RPS6KA2: variants seen among roughly 807,000 people sequenced by gnomAD.
The protein encoded by RPS6KA2 is ribosomal protein S6 kinase A2.
In RPS6KA2, 42 loss-of-function variants were observed where a neutral mutation model predicts 91.8. The ratio of observed to expected loss-of-function variants is 0.46; its 90% CI spans 0.36 to 0.59. RPS6KA2 has a LOEUF of 0.59. Among genes scored for constraint, RPS6KA2 ranks in the 20% least tolerant of loss-of-function variants. RPS6KA2 has a pLI of 0.00. For synonymous variants in RPS6KA2, 414 were observed against 393.6 expected, an observed-to-expected ratio of 1.05 and a Z score of -0.61; for missense variants, 798 against 978.5, an observed-to-expected ratio of 0.82 and a Z score of 2.46.
intron 1 of RPS6KA2, among the ~76,000 whole-genome samples, chr6:166,546,700 C>T (rs2128498544): frequency 6.6e-6 from 1 of 152,282 alleles, no homozygotes; most frequent in East Asian, 1.9e-4. Context: ...AGAAATTCTA[C>T]AACTATCATC....
intron 1 of RPS6KA2, among the ~76,000 whole-genome samples, chr6:166,546,776 T>C (rs1375800060): frequency 1.3e-5 from 2 of 152,198 alleles, no homozygotes; most frequent in African/African-American, 4.8e-5. Context: ...AAGCAACATA[T>C]TGGTGAATGT....
At chr6:166,699,901 G>C (rs1562390175) in intron 2 of RPS6KA2, among the ~76,000 whole-genome samples, 2 of 152,130 alleles carry the variant, frequency 1.3e-5, no homozygotes, top group Admixed American at 1.3e-4. Flanking sequence ...AAATAGCTTA[G>C]TGAGGCTCAT....
chr6:166,708,268 T>A (rs1205295229), intron 2 of RPS6KA2, among the ~76,000 whole-genome samples: 1 of 151,990 alleles, frequency 6.6e-6, no homozygotes, highest in African/African-American at 2.4e-5. Context: ...GGATGAAATC[T>A]TTTTTTTGCA....
At chr6:166,442,217 A>T (rs1490489130) in intron 14 of RPS6KA2, among the ~76,000 whole-genome samples, 1 of 152,228 alleles carries the variant, frequency 6.6e-6, no homozygotes, top group African/African-American at 2.4e-5. Flanking sequence ...CTTACTGCCC[A>T]GCCCCATCTG....
At chr6:166,847,223 G>A (rs779331171) in intron 2 of RPS6KA2, among the ~76,000 whole-genome samples, 1 of 151,628 alleles carries the variant, frequency 6.6e-6, no homozygotes, top group Non-Finnish European at 1.5e-5. Context: ...ACCTCTACAA[G>A]GAGAACTGTA....
chr6:166,816,567 A>G (rs1028771466), intron 2 of RPS6KA2, among the ~76,000 whole-genome samples: 2 of 152,136 alleles, frequency 1.3e-5, no homozygotes, highest in Non-Finnish European at 2.9e-5. Flanking sequence ...AAAAAAAAAA[A>G]AAAGAATTAT....
At chr6:166,558,098 A>G (rs1263893004) in intron 1 of RPS6KA2, among the ~76,000 whole-genome samples, 1 of 152,054 alleles carries the variant, frequency 6.6e-6, no homozygotes, top group East Asian at 1.9e-4. Context: ...GTACATATAT[A>G]TGTATGTATA....
chr6:166,552,008 C>T (rs1273991001), intron 1 of RPS6KA2, among the ~76,000 whole-genome samples: 2 of 152,190 alleles, frequency 1.3e-5, no homozygotes, highest in African/African-American at 2.4e-5. Context: ...ATTCTATCAG[C>T]GTTTCCATTG....
intron 2 of RPS6KA2, among the ~76,000 whole-genome samples, chr6:166,780,747 T>G (rs1273326931): frequency 1.3e-5 from 2 of 152,226 alleles, no homozygotes; most frequent in Non-Finnish European, 2.9e-5. Context: ...AGTTTTCATC[T>G]GCACCTGTAG....
intron 2 of RPS6KA2, among the ~76,000 whole-genome samples, chr6:166,841,056 A>G (rs11753166): frequency 0.55 from 83,002 of 151,616 alleles, 24,327 homozygotes; most frequent in Middle Eastern, 0.73. Context: ...CCAAAGTGGT[A>G]GGATCACTTG....
At chr6:166,440,740 A>G (rs1015526935) in intron 14 of RPS6KA2, among the ~76,000 whole-genome samples, 2 of 152,268 alleles carry the variant, frequency 1.3e-5, no homozygotes, top group African/African-American at 2.4e-5. Flanking sequence ...ACAGAATGCT[A>G]TCGATAGAAT....
At chr6:166,507,938 TCA>T (rs1332237207) in intron 5 of RPS6KA2, among the ~76,000 whole-genome samples, 1 of 91,358 alleles carries the variant, frequency 1.1e-5, no homozygotes, top group African/African-American at 4.5e-5. Context: ...GCACATGCAC[TCA>T]CACAGCCCCC....
intron 3 of RPS6KA2, among the ~76,000 whole-genome samples, chr6:166,521,963 C>T (rs539960308): frequency 1.1e-4 from 16 of 152,178 alleles, no homozygotes; most frequent in Admixed American, 4.6e-4. Context: ...GAAATGAGAC[C>T]CCAGAGAGCT....
intron 2 of RPS6KA2, among the ~76,000 whole-genome samples, chr6:166,661,412 C>G (rs1582996552): frequency 6.6e-6 from 1 of 152,292 alleles, no homozygotes; most frequent in East Asian, 1.9e-4. Flanking sequence ...AAATCTTTTA[C>G]TATTTTAATT....
intron 10 of RPS6KA2, chr6:166,475,915 C>A: frequency 2.1e-6 from 1 of 465,634 alleles, no homozygotes; most frequent in Non-Finnish European, 4.5e-6. Flanking sequence ...ATTATGCCAT[C>A]TCTTCCAGCT....
intron 1 of RPS6KA2, among the ~76,000 whole-genome samples, chr6:166,623,999 T>G (rs1053681138): frequency 1.3e-5 from 2 of 151,994 alleles, no homozygotes; most frequent in African/African-American, 4.8e-5. Context: ...TATTTTAAAA[T>G]CAAGTATGTT....
rs190513852 is a variant in RPS6KA2, at chr6:166,422,650, C to T, written c.1743+606G>A. ...TTCAGAACCTAATGGAACTTGTTCC[C>T]GGGAAATGTGAAAAGAGAGAAGTTC... On this transcript the variant is annotated intron_variant, in intron 17 of 20. Coordinates refer to ENST00000265678, the MANE Select transcript of RPS6KA2 (RefSeq NM_021135.6). 1.7e-3 allele frequency among the ~76,000 whole-genome samples: 264 copies of T among 152,222 alleles called. 10 individuals are homozygous for T. Among genetic ancestry groups the T allele is most frequent in the Admixed American group, 0.017 (261 of 15,284 alleles).
chr6:166,822,861 T>C (rs1418403531), intron 2 of RPS6KA2, among the ~76,000 whole-genome samples: 1 of 152,214 alleles, frequency 6.6e-6, no homozygotes, highest in Non-Finnish European at 1.5e-5. Flanking sequence ...TAAGGAGCCA[T>C]GTAAGTGGAT....
At chr6:166,467,460 G>T (rs1780585480) in intron 11 of RPS6KA2, among the ~76,000 whole-genome samples, 1 of 152,216 alleles carries the variant, frequency 6.6e-6, no homozygotes, top group South Asian at 2.1e-4. Context: ...AGCAAGGCCG[G>T]GGGCTGGGGT....
Sources: gnomAD v4.1 joint callset for allele counts (sites outside exome capture counted in the v4.1 genomes callset) on GRCh38, gnomAD v4.1.1 for gene constraint, MANE v1.5 for transcripts, NCBI Gene and HGNC (gene_info 2026-07-23, HGNC 2026-07-21) for gene names.